STEAP4: variants seen among roughly 807,000 people sequenced by gnomAD.
STEAP4 encodes the protein metalloreductase STEAP4.
Under a neutral mutation model 43.6 loss-of-function variants are expected in STEAP4, and 36 were observed. The ratio of observed to expected loss-of-function variants is 0.83; its 90% CI spans 0.63 to 1.09. The LOEUF (loss-of-function observed/expected upper bound fraction) is 1.09, where lower values mean the gene tolerates loss of function less well. Among genes scored for constraint, STEAP4 ranks in the 50% least tolerant of loss-of-function variants. The pLI is 0.00. For synonymous variants in STEAP4, 191 were observed against 196.7 expected (o/e 0.97, Z 0.24); for missense variants, 495 against 546.5 (o/e 0.91, Z 0.94).
At position 88,273,043 on chromosome 7, in the gene STEAP4, G is replaced by A. The variant is rs1256147797; in HGVS notation, c.*6355C>T. 1.3e-5 allele frequency: 2 copies of A among 152,276 alleles called. No homozygotes were observed. The highest frequency in any genetic ancestry group is 1.5e-5 in the Non-Finnish European group (1 of 68,026). 9.4% of individuals were successfully genotyped at this position (152,276 alleles called of 1,614,324 possible). On this transcript the variant is annotated 3_prime_UTR_variant, in exon 5 of 5. Coordinates refer to ENST00000380079, the MANE Select transcript of STEAP4 (RefSeq NM_024636.4). ...CCATGAGGTACATAGTCATGTTTAT[G>A]TATGTACAATGTATAGTGATCAGAT...
At chr7:88,289,697 C>A (rs1286669870) in intron 1 of STEAP4, among the ~76,000 whole-genome samples, 2 of 152,196 alleles carry the variant, frequency 1.3e-5, no homozygotes, top group Non-Finnish European at 2.9e-5. Context: ...TTAAGTACAT[C>A]TGAATCATTT....
At position 88,271,168 on chromosome 7, in the gene STEAP4, T is replaced by A. The variant is rs1285540246; in HGVS notation, c.*8230A>T. 6.6e-6 allele frequency: 1 copy of A among 152,188 alleles called. No homozygotes were observed. The highest frequency in any genetic ancestry group is 1.5e-5 in the Non-Finnish European group (1 of 68,020). 9.4% of individuals were successfully genotyped at this position (152,188 alleles called of 1,614,324 possible). On this transcript the variant is annotated 3_prime_UTR_variant, in exon 5 of 5. Transcript: ENST00000380079. ...TAATCTTCCTATCTAGCTGTAATTT[T>A]GTATCTTTTAACAAATTTCTTCCTA... is the stretch of plus-strand genomic sequence containing the variant.
chr7:88,283,226 AT>A, intron 2 of STEAP4, 58 bp from the exon 3 acceptor site: 1 of 1,479,382 alleles, frequency 6.8e-7, no homozygotes, highest in South Asian at 1.5e-5. Flanking sequence ...TTTAATAATT[AT>A]TTTGAAAGGC....
chr7:88,283,061 T>C lies in STEAP4; in HGVS notation c.564A>G (p.Glu188=). 1 of 1,613,522 alleles carries C rather than the reference T, an allele frequency of 6.2e-7. No homozygotes were observed. The highest frequency in any genetic ancestry group is 1.1e-5 in the South Asian group (1 of 90,982). Residue 188 remains glutamate, a synonymous_variant, in exon 3 of 5, where the codon GAA becomes GAG. Transcript: ENST00000380079. ...MDQGSLMAAK[E]IEKYPLQLFP... is the part of the protein sequence containing the mutation. ...ATAGCTGCAGGGGGTACTTTTCAAT[T>C]TCTTTGGCTGCCATGAGTGATCCTT...
intron 1 of STEAP4, chr7:88,293,086 G>A (rs1852863182): frequency 6.6e-6 from 1 of 152,130 alleles, no homozygotes; most frequent in Non-Finnish European, 1.5e-5. Context: ...CTAAGACTTG[G>A]CTATACTGAC....
Position 88,284,272 on chromosome 7 carries a change from C to T in STEAP4, c.-2-1G>A. 6.4e-7 allele frequency: 1 copy of T among 1,555,774 alleles called. No homozygotes were observed. The highest frequency in any genetic ancestry group is 8.7e-7 in the Non-Finnish European group (1 of 1,153,236). ...GCATCTATACAAGTTTTCTCCATAA[C>T]TGAAAAATAATAACACAAATGCCCA... On this transcript the variant is annotated splice_acceptor_variant, in intron 1 of 4. Transcript: ENST00000380079. LOFTEE classifies it low-confidence loss of function (5UTR_SPLICE).
intron 1 of STEAP4, among the ~76,000 whole-genome samples, chr7:88,287,534 C>T (rs76035949): frequency 4.0e-4 from 61 of 152,138 alleles, no homozygotes; most frequent in Middle Eastern, 3.4e-3. Context: ...TCCCAGAGCA[C>T]GAAGATCAGA....
At chr7:88,285,350 T>C (rs1474196388) in intron 1 of STEAP4, among the ~76,000 whole-genome samples, 1 of 152,166 alleles carries the variant, frequency 6.6e-6, no homozygotes, top group Admixed American at 6.5e-5. Context: ...AGAGAACTTA[T>C]ATAAAAGAAA....
intron 1 of STEAP4, among the ~76,000 whole-genome samples, chr7:88,296,171 C>T (rs1169325805): frequency 6.6e-6 from 1 of 152,166 alleles, no homozygotes; most frequent in Non-Finnish European, 1.5e-5. Flanking sequence ...CCCCTAATAG[C>T]AACTATCACA....
intron 1 of STEAP4, chr7:88,291,066 G>A (rs1434716807): frequency 6.6e-6 from 1 of 152,040 alleles, no homozygotes; most frequent in Non-Finnish European, 1.5e-5. Flanking sequence ...TAATCTATTA[G>A]TTATTGAATC....
rs1852472307 is a variant in STEAP4 at position 88,273,663 on chromosome 7, A to G, written c.*5735T>C. On this transcript the variant is annotated 3_prime_UTR_variant, in exon 5 of 5. Coordinates refer to ENST00000380079, the MANE Select transcript of STEAP4 (RefSeq NM_024636.4). ...TAAGGTGAGAAACCAGGGAAAAAGA[A>G]AATATTTGCCTTTAAGCTCTGGAGA... 6.6e-6 allele frequency: 1 copy of G among 152,184 alleles called. No homozygotes were observed. The highest frequency in any genetic ancestry group is 1.5e-5 in the Non-Finnish European group (1 of 68,034). 9.4% of individuals were successfully genotyped at this position (152,184 alleles called of 1,614,324 possible).
Position 88,273,010 on chromosome 7 carries a change from G to C in STEAP4, c.*6388C>G, listed in dbSNP as rs1201693277. 1 of 152,178 alleles carries C rather than the reference G, an allele frequency of 6.6e-6. No homozygotes were observed. The highest frequency in any genetic ancestry group is 1.5e-5 in the Non-Finnish European group (1 of 68,042). The allele number at this position is 152,178 out of a possible 1,614,324, so 9.4% of individuals were successfully genotyped here. On this transcript the variant is annotated 3_prime_UTR_variant, in exon 5 of 5. Transcript: ENST00000380079. ...TTTCTAAAACTGACAAATAACAGTTGTACATATCCATGAGGTACATAGTCA... is the reference window on the plus strand; with the variant it reads ...TTTCTAAAACTGACAAATAACAGTTCTACATATCCATGAGGTACATAGTCA...
At chr7:88,287,006 T>C (rs1224098751) in intron 1 of STEAP4, among the ~76,000 whole-genome samples, 2 of 152,072 alleles carry the variant, frequency 1.3e-5, no homozygotes, top group Non-Finnish European at 2.9e-5. Context: ...TACCTTGTGA[T>C]AGGGCTACAG....
chr7:88,279,661 C>T, intron 4 of STEAP4, 33 bp from the exon 5 acceptor site: 10 of 1,505,530 alleles, frequency 6.6e-6, no homozygotes, highest in Non-Finnish European at 9.1e-6. Context: ...TGTAAGTTAA[C>T]ATTATTTACA....
At chr7:88,291,435 C>T (rs1359099866) in intron 1 of STEAP4, among the ~76,000 whole-genome samples, 1 of 149,688 alleles carries the variant, frequency 6.7e-6, no homozygotes, top group African/African-American at 2.5e-5. Flanking sequence ...TGTAGTGAGC[C>T]GAGATCGCAC....
rs1464453313 is a variant in STEAP4, at chr7:88,278,761, TG to T, written c.*636del. The stretch of plus-strand genomic sequence containing the variant: ...TATAGATACGTATGTATCCAAGACA[TG>T]GATACTTTTAATCAATTGTAAATTT... On this transcript the variant is annotated 3_prime_UTR_variant, in exon 5 of 5. Coordinates refer to ENST00000380079, the MANE Select transcript of STEAP4 (RefSeq NM_024636.4). 2 of 153,642 alleles carry T rather than the reference TG, an allele frequency of 1.3e-5. No homozygotes were observed. The highest frequency in any genetic ancestry group is 2.9e-5 in the Non-Finnish European group (2 of 68,974). The allele number at this position is 153,642 out of a possible 1,614,324, so 9.5% of individuals were successfully genotyped here.
In STEAP4 at chr7:88,273,107, A is replaced by T. The variant is rs983807990; in HGVS notation, c.*6291T>A. The T allele has an allele frequency of 6.6e-6, 1 of 152,176 alleles. No homozygotes were observed. Among genetic ancestry groups the T allele is most frequent in the Admixed American group, 6.5e-5 (1 of 15,280 alleles). 9.4% of individuals were successfully genotyped at this position (152,176 alleles called of 1,614,324 possible). A position where few individuals can be genotyped will look rare whatever the true frequency, so the allele number is the denominator to read the frequency against. ...ATATCCATCATTGCAAACATTTATC[A>T]TTTCTTTGTGTTGGGAACAGTCAAT... On this transcript the variant is annotated 3_prime_UTR_variant, in exon 5 of 5. Coordinates refer to ENST00000380079, the MANE Select transcript of STEAP4 (RefSeq NM_024636.4).
rs774505456 is a variant in STEAP4 at position 88,280,936 on chromosome 7, C to A, written c.1128G>T (p.Trp376Cys). 1 of 1,610,030 alleles carries A rather than the reference C, an allele frequency of 6.2e-7. No homozygotes were observed. ...SLPSVSNAVN[W>C]REFRFVQSKL... ...TTACCTGGACAAATCGGAACTCTCT[C>A]CAGTTGACTGCATTGCTAACAGATG... The change falls in exon 4 of 5, where the codon TGG becomes TGT. Residue 376 changes from tryptophan to cysteine, a missense_variant. Trp to Cys is a radical substitution (Grantham distance 215, BLOSUM62 -2). Transcript: ENST00000380079.
At chr7:88,279,781 C>A (rs1852586401) in intron 4 of STEAP4, 153 bp from the exon 5 acceptor site, 2 of 625,464 alleles carry the variant, frequency 3.2e-6, no homozygotes, top group Admixed American at 6.0e-5. Flanking sequence ...AAAGCACTAA[C>A]CCTTCTTCAG....
Sources: gnomAD v4.1 joint callset for allele counts (sites outside exome capture counted in the v4.1 genomes callset) on GRCh38, gnomAD v4.1.1 for gene constraint, MANE v1.5 for transcripts, NCBI Gene and HGNC (gene_info 2026-07-23, HGNC 2026-07-21) for gene names.